The following ATXN2 variants were observed in gnomAD, a reference collection of about 807,000 sequenced individuals.
ATXN2 encodes the protein ataxin-2.
A neutral mutation model predicts 138.6 loss-of-function variants in ATXN2; 37 were observed. That is an observed-to-expected ratio of 0.27 (90% CI 0.21 to 0.35). The LOEUF is 0.35. Among genes scored for constraint, ATXN2 ranks in the 10% least tolerant of loss-of-function variants. The pLI is 1.00. For synonymous variants in ATXN2, 549 were observed against 543.7 expected (o/e 1.01, Z -0.13); for missense variants, 1,216 against 1,480.3 (o/e 0.82, Z 2.93).
At chr12:111,528,001 A>C (rs549829467) in intron 5 of ATXN2, among the ~76,000 whole-genome samples, 1 of 152,306 alleles carries the variant, frequency 6.6e-6, no homozygotes, top group East Asian at 1.9e-4. Flanking sequence ...TTCTCACAAC[A>C]CTAGACAAAA....
At chr12:111,492,452 G>A (rs963975783) in intron 14 of ATXN2, among the ~76,000 whole-genome samples, 1 of 152,214 alleles carries the variant, frequency 6.6e-6, no homozygotes, top group African/African-American at 2.4e-5. Flanking sequence ...GAGAGGCCAA[G>A]GCGGACAGAT....
intron 14 of ATXN2, among the ~76,000 whole-genome samples, chr12:111,503,616 CTTT>C (rs1184677446): frequency 7.5e-6 from 1 of 134,096 alleles, no homozygotes; most frequent in Non-Finnish European, 1.6e-5. Context: ...CTTTTTTTTT[CTTT>C]GAGACAGATT....
intron 1 of ATXN2, among the ~76,000 whole-genome samples, chr12:111,566,913 C>T (rs1883045686): frequency 6.6e-6 from 1 of 152,168 alleles, no homozygotes; most frequent in Admixed American, 6.5e-5. Context: ...ACTGGGATTA[C>T]AGGCATGAGC....
intron 18 of ATXN2, among the ~76,000 whole-genome samples, chr12:111,484,016 G>A (rs1451470531): frequency 6.6e-6 from 1 of 150,986 alleles, no homozygotes; most frequent in African/African-American, 2.4e-5. Context: ...TAAAACTCCC[G>A]GTCATGTGAT....
intron 1 of ATXN2, among the ~76,000 whole-genome samples, chr12:111,556,539 C>T (rs185168060): frequency 1.3e-5 from 2 of 152,078 alleles, no homozygotes; most frequent in Non-Finnish European, 2.9e-5. Flanking sequence ...TCATATGGGC[C>T]GGGCGCAGTG....
intron 21 of ATXN2, among the ~76,000 whole-genome samples, chr12:111,460,938 G>A (rs1422722432): frequency 6.6e-6 from 1 of 152,072 alleles, no homozygotes; most frequent in Non-Finnish European, 1.5e-5. Context: ...CATAGGCTTT[G>A]TTTAAAAAAA....
chr12:111,593,956 C>A (rs1201212379), intron 1 of ATXN2, among the ~76,000 whole-genome samples: 3 of 152,158 alleles, frequency 2.0e-5, no homozygotes, highest in Non-Finnish European at 2.9e-5. Flanking sequence ...AAATACCCAA[C>A]CTTCAAATCT....
At chr12:111,544,845 TAGA>T (rs1376349078) in intron 5 of ATXN2, among the ~76,000 whole-genome samples, 4 of 152,174 alleles carry the variant, frequency 2.6e-5, no homozygotes, top group Admixed American at 1.3e-4. Context: ...GGATAATGGC[TAGA>T]AGAATTCAGG....
At chr12:111,570,561 C>T (rs932742903) in intron 1 of ATXN2, among the ~76,000 whole-genome samples, 1 of 152,158 alleles carries the variant, frequency 6.6e-6, no homozygotes, top group African/African-American at 2.4e-5. Flanking sequence ...TTTCTACATA[C>T]ACCATGTGTA....
rs1874821807 is a variant in ATXN2 at position 111,453,427 on chromosome 12, C to T, written c.3439+250G>A. ...TGAGTCCTAGGCATGCATCAGGCTG[C>T]TGTTGCTGCTGCTGCTGCTTCTCAT... On this transcript the variant is annotated intron_variant, in intron 24 of 24. Transcript: ENST00000673436. This position sits in a 1 kb window ranked among gnomAD's most constrained non-coding sequence, Gnocchi z 5.4. 1.6e-6 allele frequency: 2 copies of T among 1,244,052 alleles called. No individual in the cohort carries two copies. The highest frequency in any genetic ancestry group is 3.6e-5 in the East Asian group (1 of 27,942). 77.1% of individuals were successfully genotyped at this position (1,244,052 alleles called of 1,614,324 possible).
chr12:111,475,625 G>T (rs1876758850), intron 18 of ATXN2, among the ~76,000 whole-genome samples: 1 of 150,642 alleles, frequency 6.6e-6, no homozygotes, highest in Non-Finnish European at 1.5e-5. Flanking sequence ...CAAGTAGCTA[G>T]AATTACAGGT....
chr12:111,595,333 A>G (rs1884880354), intron 1 of ATXN2, among the ~76,000 whole-genome samples: 1 of 152,228 alleles, frequency 6.6e-6, no homozygotes, highest in Admixed American at 6.5e-5. Context: ...AATTCCCAAC[A>G]ATAGAATGGT....
chr12:111,520,178 G>GT, intron 7 of ATXN2, 102 bp from the exon 8 acceptor site: 1 of 1,388,572 alleles, frequency 7.2e-7, no homozygotes, highest in Non-Finnish European at 9.7e-7. Flanking sequence ...TAGAATACTG[G>GT]TAAAAACAGA....
In ATXN2 at chr12:111,563,317, G is replaced by GTA. The variant is rs907307105; in HGVS notation, c.252-7400_252-7399dup. Among the ~76,000 whole-genome samples, 122 of 151,904 alleles carry GTA rather than the reference G, an allele frequency of 8.0e-4. 1 individual carries two copies. Among genetic ancestry groups the GTA allele is most frequent in the Middle Eastern group, 6.8e-3 (2 of 292 alleles). ...AGAATATATGTGTGTATATATATGT[G>GTA]TATATATATATGTAGAATATACATA... On this transcript the variant is annotated intron_variant, in intron 1 of 24. Coordinates refer to ENST00000673436, the MANE Select transcript of ATXN2 (RefSeq NM_001372574.1).
At chr12:111,514,524 ATTTTAT>A (rs1248769009) in intron 10 of ATXN2, among the ~76,000 whole-genome samples, 10 of 152,122 alleles carry the variant, frequency 6.6e-5, no homozygotes, top group Admixed American at 3.3e-4. Flanking sequence ...TAGAATTATT[ATTTTAT>A]TTTTATTTTT....
intron 22 of ATXN2, among the ~76,000 whole-genome samples, chr12:111,456,904 C>T (rs1212080869): frequency 1.3e-5 from 2 of 152,068 alleles, no homozygotes; most frequent in Middle Eastern, 3.2e-3. Flanking sequence ...CCCACCACCA[C>T]GCCCGGCTAA....
chr12:111,512,738 G>C (rs1233482592), intron 11 of ATXN2: 1 of 152,304 alleles, frequency 6.6e-6, no homozygotes, highest in Non-Finnish European at 1.5e-5. Context: ...TTACAGGCGT[G>C]AGCCACCACA....
At chr12:111,595,205 C>G (rs1214110980) in intron 1 of ATXN2, among the ~76,000 whole-genome samples, 2 of 152,044 alleles carry the variant, frequency 1.3e-5, no homozygotes, top group Admixed American at 6.6e-5. Context: ...ATCCTGAAGC[C>G]CTCTGAACTA....
intron 18 of ATXN2, among the ~76,000 whole-genome samples, chr12:111,480,948 A>G (rs921637592): frequency 1.3e-4 from 20 of 151,790 alleles, no homozygotes; most frequent in Non-Finnish European, 1.5e-4. Flanking sequence ...AAGAAAAAAC[A>G]AACAGATAAA....
Sources: allele counts gnomAD v4.1 joint callset (sites outside exome capture counted in the v4.1 genomes callset), GRCh38; gene constraint gnomAD v4.1.1; non-coding constraint Gnocchi (gnomAD v3.1); transcripts MANE v1.5; gene names NCBI Gene and HGNC (gene_info 2026-07-23, HGNC 2026-07-21).